The following ABCB6 variants were observed in gnomAD, a reference collection of about 807,000 sequenced individuals.
The protein encoded by ABCB6 is ATP-binding cassette sub-family B member 6.
A neutral mutation model predicts 99.4 loss-of-function variants in ABCB6; 87 were observed. That is an observed-to-expected ratio of 0.88 (90% CI 0.74 to 1.05). ABCB6 has a LOEUF of 1.05. Ranked by LOEUF, ABCB6 falls within the 50% of genes least tolerant of loss-of-function variation. ABCB6 has a pLI of 0.00. For synonymous variants in ABCB6, 482 were observed against 447.5 expected, an observed-to-expected ratio of 1.08 and a Z score of -0.97; for missense variants, 1,050 against 1,097.9, an observed-to-expected ratio of 0.96 and a Z score of 0.62.
chr2:219,213,741 C>A (rs548376219), intron 9 of ABCB6, 75 bp from the exon 10 acceptor site: 8 of 1,613,472 alleles, frequency 5.0e-6, no homozygotes, highest in Non-Finnish European at 6.8e-6. Flanking sequence ...CTGCCCACTT[C>A]CTACCGAAGA....
At chr2:219,213,779 C>A (rs757993411) in intron 9 of ABCB6, 47 bp downstream of exon 9, 12 of 1,613,648 alleles carry the variant, frequency 7.4e-6, no homozygotes, top group Non-Finnish European at 1.0e-5. Context: ...AGGCCTCAGG[C>A]CCCCTTTTCC....
chr2:219,214,019 C>G (rs1950609603), intron 8 of ABCB6, 68 bp from the exon 9 acceptor site: 11 of 1,612,700 alleles, frequency 6.8e-6, no homozygotes, highest in Non-Finnish European at 9.3e-6. Context: ...CAAACCTGGG[C>G]CCAGGCCCCT....
In ABCB6 at chr2:219,218,713, G is replaced by A. The variant is rs761956098; in HGVS notation, c.-40C>T. 4 of 1,508,072 alleles carry A rather than the reference G, an allele frequency of 2.7e-6. No individual in the cohort carries two copies. Among genetic ancestry groups the A allele is most frequent in the South Asian group, 2.6e-5 (2 of 75,626 alleles). The allele number at this position is 1,508,072 out of a possible 1,614,324, so 93.4% of individuals were successfully genotyped here. A position where few individuals can be genotyped will look rare whatever the true frequency, so the allele number is the denominator to read the frequency against. On this transcript the variant is annotated 5_prime_UTR_variant, in exon 1 of 19. Transcript: ENST00000265316. The stretch of plus-strand genomic sequence containing the variant: ...GCCGGCCGAGGCTGCGGGCACTGCG[G>A]GACCGGAGGCCGGGACTGGTCACTC...
Position 219,212,434 on chromosome 2 carries a change from C to T in ABCB6, c.1921G>A (p.Asp641Asn), listed in dbSNP as rs770322005. 33 of 1,613,750 alleles carry T rather than the reference C, an allele frequency of 2.0e-5. No individual in the cohort carries two copies. The highest frequency in any genetic ancestry group is 7.7e-5 in the South Asian group (7 of 91,088). Reference protein sequence around the residue: ...TILRLLFRFYDISSGCIRIDG... With the variant: ...TILRLLFRFYNISSGCIRIDG... Reference sequence around the variant, plus strand: ...ATTCGGATGCAGCCAGAGCTGATGTCGTAGAAGCGAAACAGCAGGCGCAAA... The same window carrying T: ...ATTCGGATGCAGCCAGAGCTGATGTTGTAGAAGCGAAACAGCAGGCGCAAA... Residue 641 changes from aspartate to asparagine, a missense_variant, in exon 14 of 19, where the codon GAC becomes AAC. Coordinates refer to ENST00000265316, the MANE Select transcript of ABCB6 (RefSeq NM_005689.4).
rs190137939 is a variant in ABCB6 at position 219,213,263 on chromosome 2, C to T, written c.1783G>A (p.Val595Met). Residue 595 changes from valine to methionine, a missense_variant, in exon 12 of 19, where the codon GTG (valine) becomes ATG (methionine). Coordinates refer to ENST00000265316, the MANE Select transcript of ABCB6 (RefSeq NM_005689.4). ...FQKGRIEFEN[V>M]HFSYADGRET... ...CACCCATCGGCATAGCTGAAGTGCA[C>T]GTTCTCAAACTCAATACGGCCCTTC... is the stretch of plus-strand genomic sequence containing the variant. 44 of 1,614,162 alleles carry T rather than the reference C, an allele frequency of 2.7e-5. No homozygotes were observed. Among genetic ancestry groups the T allele is most frequent in the Admixed American group, 1.8e-4 (11 of 60,026 alleles).
intron 5 of ABCB6, 65 bp from the exon 6 acceptor site, chr2:219,215,147 G>A: frequency 6.2e-7 from 1 of 1,600,588 alleles, no homozygotes; most frequent in South Asian, 1.1e-5. Flanking sequence ...CCTGCCTCTA[G>A]GCATTTCAGG....
At chr2:219,210,141 T>G (rs1950557270) in intron 18 of ABCB6, 89 bp downstream of exon 18, 2 of 1,592,042 alleles carry the variant, frequency 1.3e-6, no homozygotes, top group South Asian at 1.1e-5. Context: ...GGAAGGGAGG[T>G]CCCCTCCAGA....
Position 219,214,482 on chromosome 2 carries a change from G to A in ABCB6, c.1293C>T (p.Val431=), listed in dbSNP as rs61733628. 3.1e-6 allele frequency: 5 copies of A among 1,613,520 alleles called. No homozygotes were observed. The African/African-American group carries it at 6.7e-5, about 22-fold the overall frequency. ...GACGAAACTTGGTTCTCCACTCAGT[G>A]ACCACAATGGTCAGGGCTGGAGAGT... ...MSLYLTLTIV[V]TEWRTKFRRA... is the part of the protein sequence containing the mutation. The change falls in exon 7 of 19, where the codon GTC becomes GTT. Residue 431 remains valine, a synonymous_variant. Coordinates refer to ENST00000265316, the MANE Select transcript of ABCB6 (RefSeq NM_005689.4).
intron 5 of ABCB6, 104 bp from the exon 6 acceptor site, chr2:219,215,186 G>A (rs1950624310): frequency 2.1e-6 from 3 of 1,450,464 alleles, no homozygotes; most frequent in East Asian, 2.3e-5. Context: ...GCAACAGACT[G>A]GAACCAGTCT....
At position 219,217,920 on chromosome 2, in the gene ABCB6, T is replaced by TA. The variant is rs373957284; in HGVS notation, c.550-114dup. 76,408 of 1,169,504 alleles carry TA rather than the reference T, an allele frequency of 0.065. 234 individuals carry two copies. Among genetic ancestry groups the TA allele is most frequent in the East Asian group, 0.12 (4,213 of 36,354 alleles). The allele number at this position is 1,169,504 out of a possible 1,614,324, so 72.4% of individuals were successfully genotyped here. A position where few individuals can be genotyped will look rare whatever the true frequency, so the allele number is the denominator to read the frequency against. ...TGAACACATTCAGCACTTACAGGCT[T>TA]AAAAAAAAAAAAAAAAGCAAAACCA... On this transcript the variant is annotated intron_variant, in intron 1 of 18. Coordinates refer to ENST00000265316, the MANE Select transcript of ABCB6 (RefSeq NM_005689.4).
At chr2:219,212,894 G>A in intron 13 of ABCB6, 114 bp downstream of exon 13, 4 of 1,189,252 alleles carry the variant, frequency 3.4e-6, no homozygotes, top group African/African-American at 3.0e-5. Flanking sequence ...CATTCAATCC[G>A]GTTGCCTATC....
At chr2:219,214,232 G>C (rs770492250) in intron 7 of ABCB6, 46 bp from the exon 8 acceptor site, 1 of 1,565,250 alleles carries the variant, frequency 6.4e-7, no homozygotes, top group Non-Finnish European at 8.8e-7. Context: ...ACAGCACATG[G>C]CACTCGGGTC....
At chr2:219,211,621 CTTTTTTTTTT>C (rs34408255) in intron 14 of ABCB6, among the ~76,000 whole-genome samples, 2 of 87,860 alleles carry the variant, frequency 2.3e-5, no homozygotes, top group South Asian at 4.4e-4. Context: ...ATCGTTGTAC[CTTTTTTTTTT>C]TTTTTTTTTT....
At position 219,218,809 on chromosome 2, in the gene ABCB6, G is replaced by T. The variant is rs954666858; in HGVS notation, c.-136C>A. On this transcript the variant is annotated 5_prime_UTR_variant, in exon 1 of 19. Transcript: ENST00000265316. ...GGGCGCCAAGCTGCGGGGGTCCCGG[G>T]AAGGGACGCACGTGGACCAGGCCTC... The T allele has an allele frequency of 2.0e-6, 2 of 1,008,376 alleles. No individual in the cohort carries two copies. The highest frequency in any genetic ancestry group is 2.8e-6 in the Non-Finnish European group (2 of 718,698). The allele number at this position is 1,008,376 out of a possible 1,614,324, so 62.5% of individuals were successfully genotyped here.
intron 15 of ABCB6, 41 bp downstream of exon 15, chr2:219,210,893 C>A: frequency 6.2e-7 from 1 of 1,613,460 alleles, no homozygotes; most frequent in South Asian, 1.1e-5. Context: ...AGCAGGACAA[C>A]ACCAGGAGGG....
At position 219,216,314 on chromosome 2, in the gene ABCB6, C is replaced by A. The variant is rs1207065028; in HGVS notation, c.970+50G>T. 1.3e-6 allele frequency: 2 copies of A among 1,592,892 alleles called. No homozygotes were observed. Among genetic ancestry groups the A allele is most frequent in the East Asian group, 2.2e-5 (1 of 44,684 alleles). ...GGGAGAGGCGGATGCTGAGGGAATG[C>A]CTGTGGGAGGGACCTATACCTAGCA... On this transcript the variant is annotated intron_variant, in intron 4 of 18. Transcript: ENST00000265316. This position sits in a 1 kb window ranked among gnomAD's most constrained non-coding sequence, Gnocchi z 4.2.
At position 219,214,149 on chromosome 2, in the gene ABCB6, C is replaced by T. The variant is rs778541482; in HGVS notation, c.1424G>A (p.Arg475His). 7 of 1,614,068 alleles carry T rather than the reference C, an allele frequency of 4.3e-6. No homozygotes were observed. Among genetic ancestry groups the T allele is most frequent in the African/African-American group, 4.0e-5 (3 of 74,926 alleles). The change falls in exon 8 of 19, where the codon CGC (arginine) becomes CAC (histidine). Residue 475 changes from arginine (R) to histidine (H), a missense_variant. Physicochemically the swap from Arg to His is conservative, Grantham distance 29. Transcript: ENST00000265316. ...YYNAESYEVE[R>H]YREAIIKYQG... ...ATATTTGATGATGGCCTCTCGATAG[C>T]GTTCCACTTCGTAACTCTCGGCGTT... is the stretch of plus-strand genomic sequence containing the variant.
In ABCB6 at chr2:219,218,449, C is replaced by A. The variant is rs758507172; in HGVS notation, c.225G>T (p.Leu75=). 1 of 1,609,288 alleles carries A rather than the reference C, an allele frequency of 6.2e-7. No individual in the cohort carries two copies. The highest frequency in any genetic ancestry group is 2.2e-5 in the East Asian group (1 of 44,790). Residue 75 remains leucine, a synonymous_variant, in exon 1 of 19, where the codon CTG becomes CTT. Coordinates refer to ENST00000265316, the MANE Select transcript of ABCB6 (RefSeq NM_005689.4). ...CCTGAAGTGTGGCCAGAAGCAGCTG[C>A]AGCACGTAGGGAGAGATGCGAGGGC... ...GAGPRISPYV[L]QLLLATLQAA...
rs1345620573 is a variant in ABCB6 at position 219,216,046 on chromosome 2, C to T, written c.1105G>A (p.Val369Met). The T allele has an allele frequency of 6.2e-7, 1 of 1,607,522 alleles. No homozygotes were observed. Among genetic ancestry groups the T allele is most frequent in the Non-Finnish European group, 8.5e-7 (1 of 1,176,862 alleles). The change falls in exon 5 of 19, where the codon GTG becomes ATG. Residue 369 changes from valine to methionine, a missense_variant. Coordinates refer to ENST00000265316, the MANE Select transcript of ABCB6 (RefSeq NM_005689.4). This position sits in a 1 kb window ranked among gnomAD's most constrained non-coding sequence, Gnocchi z 4.2. ...GTGCCCCGATCCGCGATCCGCAGCACCTCCCCTGTGCGGCGCCCCAGGTGC... is the reference window on the plus strand; with the variant it reads ...GTGCCCCGATCCGCGATCCGCAGCATCTCCCCTGTGCGGCGCCCCAGGTGC... ...RWHLGRRTGE[V>M]LRIADRGTSS...
Sources: gnomAD v4.1 joint callset for allele counts (sites outside exome capture counted in the v4.1 genomes callset) on GRCh38, gnomAD v4.1.1 for gene constraint, Gnocchi (gnomAD v3.1) non-coding constraint, MANE v1.5 for transcripts, NCBI Gene and HGNC (gene_info 2026-07-23, HGNC 2026-07-21) for gene names.